The following SRD5A2 variants were observed in gnomAD, a reference collection of about 807,000 sequenced individuals.
The protein encoded by SRD5A2 is 3-oxo-5-alpha-steroid 4-dehydrogenase 2.
A neutral mutation model predicts 27.4 loss-of-function variants in SRD5A2; 30 were observed. The ratio of observed to expected loss-of-function variants is 1.10; its 90% CI spans 0.82 to 1.49. The LOEUF (loss-of-function observed/expected upper bound fraction) is 1.49, where lower values mean the gene tolerates loss of function less well. SRD5A2 is among the 40% of genes most tolerant of loss of function. The pLI, the probability that SRD5A2 is intolerant of heterozygous loss-of-function variation, is 0.00. For missense variants in SRD5A2, 348 were observed against 323.4 expected, an observed-to-expected ratio of 1.08 and a Z score of -0.58; for synonymous variants, 141 against 133.6, an observed-to-expected ratio of 1.06 and a Z score of -0.38.
the SRD5A2 span, among the ~76,000 whole-genome samples, chr2:31,619,204 A>G: frequency 6.6e-6 from 1 of 152,114 alleles, no homozygotes; most frequent in Non-Finnish European, 1.5e-5. Flanking sequence ...ACTCTCATAC[A>G]CTGTTAGTGG....
chr2:31,580,931 C>T lies in SRD5A2; in HGVS notation c.-31G>A. 1 of 1,583,164 alleles carries T rather than the reference C, an allele frequency of 6.3e-7. No homozygotes were observed. Among genetic ancestry groups the T allele is most frequent in the East Asian group, 2.3e-5 (1 of 44,232 alleles). ...CGTGTTCCTCGCCGGTGGCCGCTGC[C>T]CTCCCAGAAGAGAGCGCGGCCCCCG... On this transcript the variant is annotated 5_prime_UTR_variant, in exon 1 of 5. Transcript: ENST00000622030.
At chr2:31,605,328 A>T in the SRD5A2 span, among the ~76,000 whole-genome samples, 1 of 151,882 alleles carries the variant, frequency 6.6e-6, no homozygotes. Context: ...CTTCACAGTA[A>T]AGGAAACAAA....
intron 1 of SRD5A2, among the ~76,000 whole-genome samples, chr2:31,539,407 A>T (rs1666088017): frequency 6.6e-6 from 1 of 152,236 alleles, no homozygotes; most frequent in Non-Finnish European, 1.5e-5. Context: ...TTGTTATAAC[A>T]AACACCACAG....
At chr2:31,662,084 T>C in the SRD5A2 span, among the ~76,000 whole-genome samples, 2 of 152,192 alleles carry the variant, frequency 1.3e-5, no homozygotes, top group Non-Finnish European at 2.9e-5. Context: ...TTCTTTTACA[T>C]ATGTTGGTAA....
At chr2:31,629,386 G>A in the SRD5A2 span, among the ~76,000 whole-genome samples, 1 of 152,128 alleles carries the variant, frequency 6.6e-6, no homozygotes, top group Non-Finnish European at 1.5e-5. Flanking sequence ...ACATTTTGGC[G>A]ACCATGAAGG....
chr2:31,631,487 C>T, the SRD5A2 span, among the ~76,000 whole-genome samples: 2 of 151,978 alleles, frequency 1.3e-5, no homozygotes, highest in South Asian at 4.2e-4. Context: ...GGAAACGTTC[C>T]CCCCCAAGGC....
the SRD5A2 span, among the ~76,000 whole-genome samples, chr2:31,596,986 T>A: frequency 3.9e-5 from 6 of 152,106 alleles, no homozygotes; most frequent in African/African-American, 7.2e-5. Context: ...ACAGAATTTT[T>A]AAAAAATACT....
the SRD5A2 span, among the ~76,000 whole-genome samples, chr2:31,660,399 T>C: frequency 6.6e-6 from 1 of 152,144 alleles, no homozygotes; most frequent in African/African-American, 2.4e-5. Flanking sequence ...GCAACCCCAC[T>C]TCTAAAGATA....
intron 1 of SRD5A2, among the ~76,000 whole-genome samples, chr2:31,545,809 C>G (rs1260507435): frequency 6.6e-6 from 1 of 152,120 alleles, no homozygotes; most frequent in African/African-American, 2.4e-5. Flanking sequence ...GTGTCTAGAA[C>G]ACTCTAACGA....
intron 1 of SRD5A2, among the ~76,000 whole-genome samples, chr2:31,537,292 T>C (rs1406841076): frequency 1.3e-5 from 2 of 152,168 alleles, no homozygotes; most frequent in Non-Finnish European, 2.9e-5. Context: ...CATCTACTAC[T>C]CCATTTTCCT....
intron 1 of SRD5A2, among the ~76,000 whole-genome samples, chr2:31,574,737 T>C (rs1666922069): frequency 6.6e-6 from 1 of 152,252 alleles, no homozygotes; most frequent in South Asian, 2.1e-4. Context: ...CCCGCTGCTT[T>C]GCTATAGAAT....
chr2:31,580,555 G>GCGCT (rs1558377950), intron 1 of SRD5A2, 65 bp downstream of exon 1: 13 of 1,425,680 alleles, frequency 9.1e-6, no homozygotes, highest in African/African-American at 1.5e-5. Context: ...GCTCCACGCT[G>GCGCT]CGCTCCTGGA....
the SRD5A2 span, among the ~76,000 whole-genome samples, chr2:31,633,691 C>T: frequency 2.6e-5 from 4 of 152,106 alleles, no homozygotes; most frequent in African/African-American, 4.8e-5. Flanking sequence ...GCAGTTAGAG[C>T]AGTCGTCAGC....
chr2:31,543,232 A>T (rs1666175133), intron 1 of SRD5A2, among the ~76,000 whole-genome samples: 1 of 152,208 alleles, frequency 6.6e-6, no homozygotes, highest in Admixed American at 6.5e-5. Context: ...GAAACTTAAG[A>T]CATTCCCAGC....
At chr2:31,653,473 G>T in the SRD5A2 span, among the ~76,000 whole-genome samples, 2 of 152,004 alleles carry the variant, frequency 1.3e-5, no homozygotes, top group Non-Finnish European at 2.9e-5. Flanking sequence ...TCTCTCTTTT[G>T]TCTTTTCTTT....
the SRD5A2 span, among the ~76,000 whole-genome samples, chr2:31,624,367 TA>T: frequency 6.6e-6 from 1 of 152,118 alleles, no homozygotes; most frequent in Admixed American, 6.6e-5. Context: ...AATTAATTAT[TA>T]TTTTTTTAAT....
At chr2:31,600,724 C>A in the SRD5A2 span, among the ~76,000 whole-genome samples, 1 of 151,750 alleles carries the variant, frequency 6.6e-6, no homozygotes, top group Admixed American at 6.6e-5. Context: ...GCCAGTGTTA[C>A]CCTGATAGCA....
At chr2:31,626,891 T>C in the SRD5A2 span, among the ~76,000 whole-genome samples, 1 of 152,164 alleles carries the variant, frequency 6.6e-6, no homozygotes, top group East Asian at 1.9e-4. Flanking sequence ...TTAGGGAGGA[T>C]TCCCTCTCTT....
chr2:31,533,486 G>A, intron 2 of SRD5A2, 117 bp downstream of exon 2: 6 of 904,936 alleles, frequency 6.6e-6, no homozygotes, highest in Non-Finnish European at 1.0e-5. Flanking sequence ...GTAGAGGTGA[G>A]GGAGGGGAAG....
Sources: allele counts gnomAD v4.1 joint callset (sites outside exome capture counted in the v4.1 genomes callset), GRCh38; gene constraint gnomAD v4.1.1; transcripts MANE v1.5; gene names NCBI Gene and HGNC (gene_info 2026-07-23, HGNC 2026-07-21).